The following IFNAR2 variants were observed in gnomAD, a reference collection of about 807,000 sequenced individuals.
The protein encoded by IFNAR2 is interferon alpha and beta receptor subunit 2, also known as interferon alpha/beta receptor 2.
In IFNAR2, 30 loss-of-function variants were observed where a neutral mutation model predicts 49.4. That is an observed-to-expected ratio of 0.61 (90% CI 0.45 to 0.82). The LOEUF (loss-of-function observed/expected upper bound fraction) is 0.82. Among genes scored for constraint, IFNAR2 ranks in the 40% least tolerant of loss-of-function variants. IFNAR2 has a pLI of 0.00. For missense variants in IFNAR2, 600 were observed against 622.7 expected, an observed-to-expected ratio of 0.96 and a Z score of 0.39; for synonymous variants, 224 against 234.5, an observed-to-expected ratio of 0.96 and a Z score of 0.41.
chr21:33,241,697 A>T (rs1986938872), intron 1 of IFNAR2, 143 bp from the exon 2 acceptor site: 1 of 463,326 alleles, frequency 2.2e-6, no homozygotes, highest in Non-Finnish European at 3.6e-6. Flanking sequence ...TTAAATTTAA[A>T]ATTCCTCCCA....
chr21:33,248,903 A>T, intron 6 of IFNAR2, 49 bp downstream of exon 6: 1 of 1,304,638 alleles, frequency 7.7e-7, no homozygotes, highest in Non-Finnish European at 1.1e-6. Flanking sequence ...GTGGGCAATC[A>T]ATGCACTTGA....
intron 4 of IFNAR2, among the ~76,000 whole-genome samples, 195 bp downstream of exon 4, chr21:33,245,269 A>C (rs951610241): frequency 6.6e-6 from 1 of 152,240 alleles, no homozygotes; most frequent in African/African-American, 2.4e-5. Flanking sequence ...ATTCAGTTGA[A>C]TACTTTAATA....
intron 1 of IFNAR2, chr21:33,234,868 T>C (rs754302438): frequency 8.4e-5 from 29 of 347,234 alleles, no homozygotes; most frequent in Non-Finnish European, 1.1e-4. Context: ...AGTCAAGGAA[T>C]GAAAGGGTGG....
chr21:33,252,895 T>C, intron 7 of IFNAR2, 65 bp downstream of exon 7: 5 of 1,274,716 alleles, frequency 3.9e-6, no homozygotes, highest in Non-Finnish European at 5.7e-6. Context: ...GCAAGCCTAT[T>C]TAAAGAAAAG....
chr21:33,244,600 G>A (rs1437677638), intron 3 of IFNAR2, among the ~76,000 whole-genome samples: 1 of 152,138 alleles, frequency 6.6e-6, no homozygotes, highest in African/African-American at 2.4e-5. Context: ...GGGTAGGGGA[G>A]AGTGAAAGGA....
intron 8 of IFNAR2, chr21:33,262,582 T>C (rs540756055): frequency 2.7e-6 from 2 of 731,158 alleles, no homozygotes; most frequent in South Asian, 2.9e-5. Context: ...CGCTAAGGGC[T>C]GGAATGCAGT....
intron 3 of IFNAR2, among the ~76,000 whole-genome samples, chr21:33,244,178 G>A (rs923143037): frequency 3.3e-5 from 5 of 152,144 alleles, no homozygotes. Flanking sequence ...CTAAGTGTTG[G>A]TTGGGGGTGA....
At chr21:33,243,589 T>G in intron 2 of IFNAR2, 84 bp from the exon 3 acceptor site, 2 of 1,224,474 alleles carry the variant, frequency 1.6e-6, no homozygotes, top group Non-Finnish European at 2.4e-6. Context: ...AAATGTGTGT[T>G]AAAGAATGTC....
Position 33,245,044 on chromosome 21 carries a change from C to A in IFNAR2, c.191C>A (p.Thr64Asn), listed in dbSNP as rs1262883483. ...TTAAAAAACCACTCCATTGTACCAACTCACTATACATTGCTGTATACAATC... is the reference window on the plus strand; with the variant it reads ...TTAAAAAACCACTCCATTGTACCAAATCACTATACATTGCTGTATACAATC... Reference protein sequence around the residue: ...WELKNHSIVPTHYTLLYTIMS... With the variant: ...WELKNHSIVPNHYTLLYTIMS... The change falls in exon 4 of 9, where the codon ACT (threonine) becomes AAT (asparagine). Residue 64 changes from threonine (T) to asparagine (N), a missense_variant. Transcript: ENST00000342136. The A allele has an allele frequency of 1.2e-6, 2 of 1,610,244 alleles. No homozygotes were observed. Among genetic ancestry groups the A allele is most frequent in the Non-Finnish European group, 1.7e-6 (2 of 1,176,544 alleles).
chr21:33,258,848 A>G (rs1421928823), intron 7 of IFNAR2, among the ~76,000 whole-genome samples: 1 of 152,188 alleles, frequency 6.6e-6, no homozygotes, highest in Non-Finnish European at 1.5e-5. Context: ...GGTTGTGAGC[A>G]GGTTGCTCTC....
At position 33,239,232 on chromosome 21, in the gene IFNAR2, A is replaced by G. The variant is rs1465163449; in HGVS notation, c.-83-2608A>G. 3.9e-5 allele frequency among the ~76,000 whole-genome samples: 6 copies of G among 152,062 alleles called. No individual in the cohort carries two copies. The East Asian group carries it at 9.6e-4, about 24-fold the overall frequency. On this transcript the variant is annotated intron_variant, in intron 1 of 8. Coordinates refer to ENST00000342136, the MANE Select transcript of IFNAR2 (RefSeq NM_001289125.3). ...GATACAACTCCAGGCCCCTTGCCCT[A>G]TGGCTTCTGGTTGTGTTCAGCCGAT...
At chr21:33,245,535 G>C (rs940270877) in intron 4 of IFNAR2, among the ~76,000 whole-genome samples, 1 of 152,224 alleles carries the variant, frequency 6.6e-6, no homozygotes, top group Admixed American at 6.5e-5. Context: ...GGACAGGCCT[G>C]GGTCCATAGT....
In IFNAR2 at chr21:33,243,667, T is replaced by G. The variant is rs780343052; in HGVS notation, c.56-6T>G. ...TTGCCTCTCTAATGTGTTTTCTTCCTTCTAGTGTATATCAGCCTCGTGTTT... is the reference window on the plus strand; with the variant it reads ...TTGCCTCTCTAATGTGTTTTCTTCCGTCTAGTGTATATCAGCCTCGTGTTT... On this transcript the variant is annotated splice_region_variant and splice_polypyrimidine_tract_variant and intron_variant, in intron 2 of 8. Coordinates refer to ENST00000342136, the MANE Select transcript of IFNAR2 (RefSeq NM_001289125.3). The G allele has an allele frequency of 1.2e-5, 19 of 1,612,170 alleles. No homozygotes were observed. In the African/African-American group the frequency reaches 2.3e-4, roughly 19 times the overall value.
rs919180549 is a variant in IFNAR2, at chr21:33,230,692, G to A, written c.-84+476G>A. The A allele has an allele frequency of 9.2e-6, 4 of 433,706 alleles. No individual in the cohort carries two copies. The East Asian group carries it at 3.1e-4, about 33-fold the overall frequency. The allele number at this position is 433,706 out of a possible 1,614,324, so 26.9% of individuals were successfully genotyped here. A position where few individuals can be genotyped will look rare whatever the true frequency, so the allele number is the denominator to read the frequency against. ...AGGTCCCCTGGGATTAGCCCCCCTC[G>A]ACCTGCGTCAGGGTCACAGACTGCA... On this transcript the variant is annotated intron_variant, in intron 1 of 8. Transcript: ENST00000342136. This position sits in a 1 kb window ranked among gnomAD's most constrained non-coding sequence, Gnocchi z 5.5.
At chr21:33,234,298 A>G (rs1286144609) in intron 1 of IFNAR2, among the ~76,000 whole-genome samples, 1 of 152,108 alleles carries the variant, frequency 6.6e-6, no homozygotes, top group Non-Finnish European at 1.5e-5. Context: ...AGAAGAAAAA[A>G]GAAAGATGTT....
At chr21:33,243,795 G>T (rs1415068442) in intron 3 of IFNAR2, 81 bp downstream of exon 3, 38 of 998,368 alleles carry the variant, frequency 3.8e-5, no homozygotes, top group Non-Finnish European at 5.0e-5. Flanking sequence ...ATAAAATGTG[G>T]GAGATTTGAT....
chr21:33,240,224 G>A (rs966973524), intron 1 of IFNAR2, among the ~76,000 whole-genome samples: 4 of 152,222 alleles, frequency 2.6e-5, no homozygotes. Flanking sequence ...AGCCCCATAA[G>A]ATTATACCAT....
At chr21:33,257,122 T>A (rs757829531) in intron 7 of IFNAR2, among the ~76,000 whole-genome samples, 2 of 152,178 alleles carry the variant, frequency 1.3e-5, no homozygotes, top group Non-Finnish European at 2.9e-5. Context: ...CTCGGAAGCG[T>A]GAACTGTATC....
At chr21:33,237,165 G>C (rs918109851) in intron 1 of IFNAR2, among the ~76,000 whole-genome samples, 20 of 151,116 alleles carry the variant, frequency 1.3e-4, no homozygotes, top group Non-Finnish European at 2.2e-4. Context: ...CAAAGATGAA[G>C]ATGTGCCACC....
Sources: gnomAD v4.1 joint callset for allele counts (sites outside exome capture counted in the v4.1 genomes callset) on GRCh38, gnomAD v4.1.1 for gene constraint, Gnocchi (gnomAD v3.1) non-coding constraint, MANE v1.5 for transcripts, NCBI Gene and HGNC (gene_info 2026-07-23, HGNC 2026-07-21) for gene names.